RIN3: variants seen among roughly 807,000 people sequenced by gnomAD.
The protein encoded by RIN3 is Ras and Rab interactor 3, also known as RAB5 interacting protein 3.
In RIN3, 54 loss-of-function variants were observed where a neutral mutation model predicts 76.3. The observed-to-expected ratio is 0.71, with a 90% confidence interval of 0.57 to 0.89. RIN3 has a LOEUF of 0.89. RIN3 is among the 40% of genes least tolerant of loss of function. The pLI is 0.00. For missense variants in RIN3, 1,256 were observed against 1,322.1 expected (o/e 0.95, Z 0.78); for synonymous variants, 576 against 564.0 (o/e 1.02, Z -0.30).
chr14:92,572,537 G>A (rs1766645478), intron 2 of RIN3, among the ~76,000 whole-genome samples: 1 of 152,200 alleles, frequency 6.6e-6, no homozygotes. Flanking sequence ...CCCATCATCT[G>A]ATGGTCGCCT....
intron 3 of RIN3, among the ~76,000 whole-genome samples, chr14:92,613,780 C>T (rs1301336900): frequency 1.3e-5 from 2 of 152,222 alleles, no homozygotes; most frequent in Non-Finnish European, 2.9e-5. Context: ...AAGCCGGGTC[C>T]TGCCTTCCCT....
intron 4 of RIN3, among the ~76,000 whole-genome samples, chr14:92,617,424 A>G (rs1028491353): frequency 3.9e-5 from 6 of 151,980 alleles, no homozygotes; most frequent in African/African-American, 1.2e-4. Flanking sequence ...TGTTACCATC[A>G]TTTTGGGTTT....
At position 92,515,279 on chromosome 14, in the gene RIN3, C is replaced by G. The variant is rs1214106610; in HGVS notation, c.44+1303C>G. ...GGGAAGAGCCCCCCAACCCTCACAC[C>G]CACTTGCAAGTATCTGCCACACCCA... is the stretch of plus-strand genomic sequence containing the variant. On this transcript the variant is annotated intron_variant, in intron 1 of 9. Coordinates refer to ENST00000216487, the MANE Select transcript of RIN3 (RefSeq NM_024832.5). The G allele has an allele frequency of 4.3e-6, 3 of 698,474 alleles. No individual in the cohort carries two copies. The Admixed American group carries it at 6.1e-5, about 14-fold the overall frequency. 43.3% of individuals were successfully genotyped at this position (698,474 alleles called of 1,614,324 possible).
At chr14:92,627,914 T>C (rs369512038) in intron 4 of RIN3, among the ~76,000 whole-genome samples, 21 of 152,348 alleles carry the variant, frequency 1.4e-4, no homozygotes, top group African/African-American at 5.0e-4. Flanking sequence ...GCTTCCTGCA[T>C]GCAAAGCAGA....
At chr14:92,587,659 C>T (rs567341858) in intron 3 of RIN3, among the ~76,000 whole-genome samples, 35 of 151,788 alleles carry the variant, frequency 2.3e-4, no homozygotes, top group African/African-American at 4.1e-4. Flanking sequence ...GAAAGCAGCC[C>T]ACCTCAACTG....
intron 3 of RIN3, among the ~76,000 whole-genome samples, chr14:92,580,122 A>G (rs11160074): frequency 0.37 from 56,344 of 152,212 alleles, 12,072 homozygotes; most frequent in East Asian, 0.5. Flanking sequence ...CAAGCCTGTA[A>G]TCCCAGCACT....
In RIN3 at chr14:92,661,760, A is replaced by AC. The variant is rs1419895576; in HGVS notation, c.2335+2291_2335+2292insC. 7.7e-3 allele frequency among the ~76,000 whole-genome samples: 987 copies of AC among 128,004 alleles called. 9 individuals carry two copies. The highest frequency in any genetic ancestry group is 0.015 in the Middle Eastern group (4 of 266). 84.0% of individuals were successfully genotyped at this position (128,004 alleles called of 152,430 possible). A position where few individuals can be genotyped will look rare whatever the true frequency, so the allele number is the denominator to read the frequency against. ...ACACACACACACACACACACACACA[A>AC]AAAATAGAATTGTGCTCCCCAAAAG... On this transcript the variant is annotated intron_variant, in intron 7 of 9. Coordinates refer to ENST00000216487, the MANE Select transcript of RIN3 (RefSeq NM_024832.5).
In RIN3 at chr14:92,656,004, G is replaced by A. The variant is rs1887652052; in HGVS notation, c.2026+2929G>A. ...ACTGTCAGCACAAAAGGAGCCATGA[G>A]ACTGGATGAGATCATCCGGGTCTGA... On this transcript the variant is annotated intron_variant, in intron 6 of 9. Transcript: ENST00000216487. This position sits in a 1 kb window ranked among gnomAD's most constrained non-coding sequence, Gnocchi z 5.2. 6.6e-6 allele frequency among the ~76,000 whole-genome samples: 1 copy of A among 152,186 alleles called. No homozygotes were observed. The highest frequency in any genetic ancestry group is 6.5e-5 in the Admixed American group (1 of 15,276).
At chr14:92,603,145 G>C (rs942058) in intron 3 of RIN3, among the ~76,000 whole-genome samples, 79,398 of 152,030 alleles carry the variant, frequency 0.52, 21,072 homozygotes, top group East Asian at 0.69. Flanking sequence ...TGAGAGCTGC[G>C]GACTGGACAG....
chr14:92,654,337 GA>G (rs11322414), intron 6 of RIN3, among the ~76,000 whole-genome samples: 51,196 of 150,958 alleles, frequency 0.34, 9,338 homozygotes, highest in African/African-American at 0.39. Flanking sequence ...GAAAAGAAAA[GA>G]AAAAAAATAC....
chr14:92,568,708 A>G lies in RIN3; in HGVS notation c.250-8652A>G, dbSNP rs567794514. On this transcript the variant is annotated intron_variant, in intron 2 of 9. Transcript: ENST00000216487. The surrounding 1 kb of genome is among the most constrained non-coding windows in gnomAD (Gnocchi z 4.2). ...AGAGTCCGTCCCTGCCCCACTCTCC[A>G]TCGTGAACTCACAGCCTCCAGCCTC... 4.6e-5 allele frequency among the ~76,000 whole-genome samples: 7 copies of G among 152,336 alleles called. No individual in the cohort carries two copies. In the East Asian group the frequency reaches 1.4e-3, roughly 29 times the overall value.
intron 3 of RIN3, among the ~76,000 whole-genome samples, chr14:92,597,398 C>T (rs1018979599): frequency 1.3e-5 from 2 of 152,192 alleles, no homozygotes; most frequent in Non-Finnish European, 2.9e-5. Context: ...AGGACCAAAA[C>T]CCTGTCATTC....
chr14:92,550,509 C>T (rs1897394996), intron 1 of RIN3, among the ~76,000 whole-genome samples: 2 of 152,142 alleles, frequency 1.3e-5, no homozygotes, highest in South Asian at 2.1e-4. Context: ...CACCTCCAGG[C>T]TCAAGCAATC....
chr14:92,628,540 T>A (rs1372234357), intron 4 of RIN3, among the ~76,000 whole-genome samples: 4 of 152,188 alleles, frequency 2.6e-5, no homozygotes, highest in African/African-American at 9.7e-5. Context: ...CTATGAGCTT[T>A]CCTTTGGTAC....
intron 6 of RIN3, among the ~76,000 whole-genome samples, chr14:92,654,972 C>G (rs1887613441): frequency 1.3e-5 from 2 of 152,018 alleles, no homozygotes; most frequent in Non-Finnish European, 1.5e-5. Flanking sequence ...TGAGACCAGC[C>G]TGGCCAACAT....
intron 6 of RIN3, among the ~76,000 whole-genome samples, chr14:92,655,520 T>TATGTGAGA (rs1156656565): frequency 6.6e-6 from 1 of 152,274 alleles, no homozygotes; most frequent in African/African-American, 2.4e-5. Context: ...ACTTTTCCTG[T>TATGTGAGA]ATGTGAGATG....
At chr14:92,561,637 A>G (rs1897780813) in intron 2 of RIN3, among the ~76,000 whole-genome samples, 1 of 152,130 alleles carries the variant, frequency 6.6e-6, no homozygotes, top group Non-Finnish European at 1.5e-5. Context: ...TAAGAAACTG[A>G]TCTTGATACA....
intron 2 of RIN3, among the ~76,000 whole-genome samples, chr14:92,559,170 T>G (rs1379463577): frequency 6.6e-6 from 1 of 152,164 alleles, no homozygotes; most frequent in African/African-American, 2.4e-5. Context: ...CCCGGCCCCC[T>G]TCTCTCTTCC....
At chr14:92,607,886 C>T (rs1295242052) in intron 3 of RIN3, among the ~76,000 whole-genome samples, 2 of 152,094 alleles carry the variant, frequency 1.3e-5, no homozygotes, top group Non-Finnish European at 2.9e-5. Context: ...TTGGATGAAC[C>T]TCAAGGAAGT....
Sources: gnomAD v4.1 joint callset for allele counts (sites outside exome capture counted in the v4.1 genomes callset) on GRCh38, gnomAD v4.1.1 for gene constraint, Gnocchi (gnomAD v3.1) non-coding constraint, MANE v1.5 for transcripts, NCBI Gene and HGNC (gene_info 2026-07-23, HGNC 2026-07-21) for gene names.